The following OXR1 variants were observed in gnomAD, a reference collection of about 807,000 sequenced individuals.
OXR1 encodes oxidation resistance 1.
In OXR1, 41 loss-of-function variants were observed where a neutral mutation model predicts 104.6. The observed-to-expected ratio is 0.39, with a 90% CI of 0.31 to 0.51. The LOEUF (loss-of-function observed/expected upper bound fraction) is 0.51. Among genes scored for constraint, OXR1 ranks in the 20% least tolerant of loss-of-function variants. The pLI, the probability that OXR1 is intolerant of heterozygous loss-of-function variation, is 0.77. For synonymous variants in OXR1, 348 were observed against 348.4 expected, an observed-to-expected ratio of 1.00 and a Z score of 0.01; for missense variants, 955 against 1,031.9, an observed-to-expected ratio of 0.93 and a Z score of 1.02.
At chr8:106,444,246 G>A (rs145069532) in intron 2 of OXR1, among the ~76,000 whole-genome samples, 8,540 of 152,226 alleles carry the variant, frequency 0.056, 858 homozygotes, top group African/African-American at 0.2. Flanking sequence ...TGGTGAGAAT[G>A]TAAATTAGTT....
chr8:106,283,492 G>A (rs2130504569), intron 1 of OXR1, among the ~76,000 whole-genome samples: 1 of 152,186 alleles, frequency 6.6e-6, no homozygotes, highest in African/African-American at 2.4e-5. Context: ...TGGCAGGCTG[G>A]GTATGACTTA....
intron 11 of OXR1, among the ~76,000 whole-genome samples, chr8:106,717,954 T>C (rs1832430512): frequency 6.6e-6 from 1 of 152,202 alleles, no homozygotes; most frequent in Non-Finnish European, 1.5e-5. Flanking sequence ...ATACTTTACA[T>C]TTTAGGACAG....
chr8:106,640,318 A>G (rs1823520720), intron 3 of OXR1, among the ~76,000 whole-genome samples: 1 of 151,364 alleles, frequency 6.6e-6, no homozygotes, highest in Non-Finnish European at 1.5e-5. Context: ...GTGTATATAT[A>G]CTAATACATA....
At chr8:106,463,384 G>A (rs1262514106) in intron 2 of OXR1, among the ~76,000 whole-genome samples, 1 of 152,078 alleles carries the variant, frequency 6.6e-6, no homozygotes, top group Non-Finnish European at 1.5e-5. Context: ...TTCTCAACAT[G>A]TTAATAATTG....
chr8:106,355,925 A>G (rs1336096384), intron 1 of OXR1, among the ~76,000 whole-genome samples: 1 of 152,166 alleles, frequency 6.6e-6, no homozygotes, highest in Non-Finnish European at 1.5e-5. Context: ...GAAAAAATGC[A>G]TCAGACAGAG....
At chr8:106,750,757 T>G (rs373416835) in intron 16 of OXR1, 49 bp from the exon 17 acceptor site, 4 of 1,375,604 alleles carry the variant, frequency 2.9e-6, no homozygotes, top group South Asian at 1.3e-5. Context: ...TTAAATTGTT[T>G]TATAACTTAA....
In OXR1 at chr8:106,723,173, T is replaced by C. The variant is rs571549649; in HGVS notation, c.1956+9188T>C. Among the ~76,000 whole-genome samples the C allele has an allele frequency of 1.9e-3, 283 of 151,742 alleles. 2 individuals carry two copies. The highest frequency in any genetic ancestry group is 6.5e-3 in the African/African-American group (270 of 41,384). On this transcript the variant is annotated intron_variant, in intron 11 of 16. Coordinates refer to ENST00000517566, the MANE Select transcript of OXR1 (RefSeq NM_001198533.2). ...GAGTTCGAGACCAGCCTGGCCAATA[T>C]GGTGAAATCCCATCTCTATTAAAAA... is the stretch of plus-strand genomic sequence containing the variant.
At chr8:106,495,359 C>T (rs958539211) in intron 2 of OXR1, among the ~76,000 whole-genome samples, 2 of 152,062 alleles carry the variant, frequency 1.3e-5, no homozygotes, top group African/African-American at 4.8e-5. Context: ...AGAAGACAGG[C>T]AATTCTATAA....
In OXR1 at chr8:106,315,052, A is replaced by T. The variant is rs1586510923; in HGVS notation, c.-138-44424A>T. Among the ~76,000 whole-genome samples, 5 of 150,910 alleles carry T rather than the reference A, an allele frequency of 3.3e-5. No individual in the cohort carries two copies. In the South Asian group the frequency reaches 1.0e-3, roughly 32 times the overall value. ...ATCAGAGGTTTAGTTTTTTTTTTGT[A>T]AACTTGTCGAGTGGGCGTTTATTTG... On this transcript the variant is annotated intron_variant, in intron 1 of 16. Transcript: ENST00000517566.
At chr8:106,345,578 C>T (rs1457394337) in intron 1 of OXR1, among the ~76,000 whole-genome samples, 2 of 152,158 alleles carry the variant, frequency 1.3e-5, no homozygotes, top group East Asian at 3.9e-4. Context: ...TAGAATCATG[C>T]CAGTGTCTTC....
At chr8:106,618,922 A>C (rs1821462827) in intron 3 of OXR1, among the ~76,000 whole-genome samples, 1 of 152,114 alleles carries the variant, frequency 6.6e-6, no homozygotes, top group South Asian at 2.1e-4. Flanking sequence ...ACAAGCCAAA[A>C]TAACATTATC....
At chr8:106,306,202 C>T (rs920989195) in intron 1 of OXR1, among the ~76,000 whole-genome samples, 3 of 152,090 alleles carry the variant, frequency 2.0e-5, no homozygotes, top group Admixed American at 6.6e-5. Context: ...CAATATTAGA[C>T]ATAAGTGTTC....
intron 3 of OXR1, among the ~76,000 whole-genome samples, chr8:106,658,813 C>T (rs1255064802): frequency 6.6e-6 from 1 of 152,088 alleles, no homozygotes; most frequent in Non-Finnish European, 1.5e-5. Context: ...ATTTTTTTCA[C>T]CACAGTGGCT....
intron 3 of OXR1, among the ~76,000 whole-genome samples, chr8:106,562,188 GC>G (rs1483518210): frequency 1.3e-5 from 2 of 152,060 alleles, no homozygotes; most frequent in East Asian, 3.9e-4. Context: ...GGCTAAAGGA[GC>G]ATGTTCTAAC....
chr8:106,425,656 G>A (rs1819087299), intron 2 of OXR1, among the ~76,000 whole-genome samples: 3 of 152,138 alleles, frequency 2.0e-5, no homozygotes, highest in Admixed American at 6.6e-5. Flanking sequence ...TTTCCAGAGT[G>A]AGTTTTTTTA....
chr8:106,458,648 C>T (rs1434171519), intron 2 of OXR1, among the ~76,000 whole-genome samples: 1 of 152,094 alleles, frequency 6.6e-6, no homozygotes, highest in Non-Finnish European at 1.5e-5. Flanking sequence ...AGGCATGAGA[C>T]TCTAACCTAG....
chr8:106,552,022 C>A (rs779814136), intron 3 of OXR1, among the ~76,000 whole-genome samples: 1 of 151,450 alleles, frequency 6.6e-6, no homozygotes, highest in Non-Finnish European at 1.5e-5. Flanking sequence ...GTTTGCAACA[C>A]TGCACTCCAA....
At chr8:106,649,708 T>C (rs1824388728) in intron 3 of OXR1, among the ~76,000 whole-genome samples, 1 of 151,970 alleles carries the variant, frequency 6.6e-6, no homozygotes, top group South Asian at 2.1e-4. Context: ...TATATATATA[T>C]ATACTTGAGA....
At chr8:106,589,828 G>A (rs915626898) in intron 3 of OXR1, among the ~76,000 whole-genome samples, 3 of 152,008 alleles carry the variant, frequency 2.0e-5, no homozygotes, top group Non-Finnish European at 2.9e-5. Context: ...CACCATGCCC[G>A]ACTAATTTTT....
Sources: allele counts gnomAD v4.1 joint callset (sites outside exome capture counted in the v4.1 genomes callset), GRCh38; gene constraint gnomAD v4.1.1; transcripts MANE v1.5; gene names NCBI Gene and HGNC (gene_info 2026-07-23, HGNC 2026-07-21).